Variants in PTCSC3 observed in about 807,000 individuals in gnomAD.
PTCSC3 encodes the protein papillary thyroid carcinoma susceptibility candidate 3 (non-protein coding).
intron 3 of PTCSC3, among the ~76,000 whole-genome samples, chr14:36,139,129 A>G (rs191087027): frequency 6.6e-6 from 1 of 151,238 alleles, no homozygotes. Context: ...TAAAAAAAAA[A>G]AAAAAAAAAA....
chr14:36,138,050 T>C (rs1246227470), intron 3 of PTCSC3, among the ~76,000 whole-genome samples: 1 of 151,992 alleles, frequency 6.6e-6, no homozygotes. Flanking sequence ...TCTGGGGTGG[T>C]GAGGAAGAAA....
chr14:36,176,089 T>G (rs1338712504), intron 1 of PTCSC3, among the ~76,000 whole-genome samples: 1 of 152,196 alleles, frequency 6.6e-6, no homozygotes, highest in Non-Finnish European at 1.5e-5. Context: ...TACATACATA[T>G]GTACATAATG....
chr14:36,170,269 G>A (rs1051121556), intron 1 of PTCSC3, among the ~76,000 whole-genome samples: 1 of 151,948 alleles, frequency 6.6e-6, no homozygotes, highest in Non-Finnish European at 1.5e-5. Flanking sequence ...TCTTTCCTGT[G>A]AAAGAGAATG....
chr14:36,134,987 T>A (rs1004072299), downstream of PTCSC3, among the ~76,000 whole-genome samples: 1 of 152,210 alleles, frequency 6.6e-6, no homozygotes. Flanking sequence ...CATCTGGCCT[T>A]TTAAAGTAAC....
intron 3 of PTCSC3, among the ~76,000 whole-genome samples, chr14:36,136,729 G>A (rs1420637302): frequency 6.6e-6 from 1 of 152,140 alleles, no homozygotes; most frequent in Non-Finnish European, 1.5e-5. Context: ...GGAATAAAAT[G>A]CAAATAAGAT....
chr14:36,163,347 ACCT>A (rs1453711497), intron 1 of PTCSC3, among the ~76,000 whole-genome samples: 2 of 152,124 alleles, frequency 1.3e-5, no homozygotes, highest in Non-Finnish European at 2.9e-5. Flanking sequence ...AATATTTTTT[ACCT>A]CTTCTCACCT....
At chr14:36,174,408 A>G (rs1221598522) in intron 1 of PTCSC3, among the ~76,000 whole-genome samples, 1 of 152,078 alleles carries the variant, frequency 6.6e-6, no homozygotes, top group African/African-American at 2.4e-5. Flanking sequence ...ATATAGTTGT[A>G]TTTGTAGTTT....
intron 1 of PTCSC3, among the ~76,000 whole-genome samples, chr14:36,169,041 A>T (rs1327726360): frequency 6.6e-6 from 1 of 152,032 alleles, no homozygotes; most frequent in East Asian, 1.9e-4. Flanking sequence ...TTTACACATT[A>T]AGAGAAATTA....
chr14:36,142,816 C>G (rs1264934626), intron 3 of PTCSC3, among the ~76,000 whole-genome samples: 1 of 119,300 alleles, frequency 8.4e-6, no homozygotes. Flanking sequence ...CCTCCCCCCA[C>G]CCCACAACAG....
At chr14:36,148,201 C>T (rs1439576336) in intron 3 of PTCSC3, among the ~76,000 whole-genome samples, 5 of 152,042 alleles carry the variant, frequency 3.3e-5, no homozygotes, top group Non-Finnish European at 7.3e-5. Context: ...CCAGTTTGAG[C>T]TTCCCGGCTG....
intron 2 of PTCSC3, among the ~76,000 whole-genome samples, chr14:36,158,611 TC>T: frequency 6.6e-6 from 1 of 152,332 alleles, no homozygotes; most frequent in Admixed American, 6.5e-5. Context: ...GCCAGCTTGA[TC>T]ATGGTGGAAA....
intron 1 of PTCSC3, among the ~76,000 whole-genome samples, chr14:36,168,009 C>G (rs909383274): frequency 6.6e-6 from 1 of 152,012 alleles, no homozygotes; most frequent in African/African-American, 2.4e-5. Context: ...TGCTGTTGGC[C>G]TGCACGTTCC....
chr14:36,168,269 C>A (rs1882130316), intron 1 of PTCSC3, among the ~76,000 whole-genome samples: 1 of 151,096 alleles, frequency 6.6e-6, no homozygotes, highest in Non-Finnish European at 1.5e-5. Context: ...TTTCCATGAT[C>A]TTTACCTAAA....
At chr14:36,148,729 GTCTA>G (rs1260257308) in intron 3 of PTCSC3, among the ~76,000 whole-genome samples, 1 of 152,150 alleles carries the variant, frequency 6.6e-6, no homozygotes, top group Admixed American at 6.5e-5. Flanking sequence ...TATTCAGATG[GTCTA>G]TTTCTCCTTG....
intron 3 of PTCSC3, among the ~76,000 whole-genome samples, chr14:36,140,857 T>G (rs1367379917): frequency 6.6e-6 from 1 of 152,150 alleles, no homozygotes; most frequent in Non-Finnish European, 1.5e-5. Flanking sequence ...GAAGTTAACA[T>G]TTTGAATTTT....
chr14:36,174,064 G>A (rs1319161904), intron 1 of PTCSC3, among the ~76,000 whole-genome samples: 1 of 151,934 alleles, frequency 6.6e-6, no homozygotes, highest in Non-Finnish European at 1.5e-5. Flanking sequence ...GTGCCTAGGT[G>A]CAGATTTCCT....
At chr14:36,147,567 AT>A (rs1031432760) in intron 3 of PTCSC3, among the ~76,000 whole-genome samples, 5 of 151,692 alleles carry the variant, frequency 3.3e-5, no homozygotes, top group South Asian at 2.1e-4. Flanking sequence ...ATTCTTCTAA[AT>A]TTTTTTCAAA....
chr14:36,141,283 A>T (rs546486148), intron 3 of PTCSC3, among the ~76,000 whole-genome samples: 1 of 152,164 alleles, frequency 6.6e-6, no homozygotes, highest in African/African-American at 2.4e-5. Flanking sequence ...GCTTGCTAGG[A>T]ATTTGATTTG....
intron 3 of PTCSC3, among the ~76,000 whole-genome samples, chr14:36,142,277 AT>A (rs1405042437): frequency 1.3e-5 from 2 of 152,082 alleles, no homozygotes; most frequent in African/African-American, 4.8e-5. Flanking sequence ...TATTGATATG[AT>A]TTTTCTTCTT....
Sources: gnomAD v4.1 joint callset for allele counts (sites outside exome capture counted in the v4.1 genomes callset) on GRCh38, gnomAD v4.1.1 for gene constraint, MANE v1.5 for transcripts, NCBI Gene and HGNC (gene_info 2026-07-23, HGNC 2026-07-21) for gene names.